ACTL8: variants seen among roughly 807,000 people sequenced by gnomAD.
The protein encoded by ACTL8 is actin like 8.
ACTL8 carries 3 observed loss-of-function variants against 9.3 expected under a neutral mutation model. That is an observed-to-expected ratio of 0.32 (90% CI 0.15 to 0.83). The LOEUF is 0.83. Among genes scored for constraint, ACTL8 ranks in the 40% least tolerant of loss-of-function variants. ACTL8 has a pLI of 0.57. For synonymous variants in ACTL8, 224 were observed against 205.9 expected, an observed-to-expected ratio of 1.09 and a Z score of -0.75; for missense variants, 381 against 492.2, an observed-to-expected ratio of 0.77 and a Z score of 2.14.
intron 1 of ACTL8, among the ~76,000 whole-genome samples, chr1:17,812,302 C>T (rs554068011): frequency 8.5e-5 from 13 of 152,180 alleles, no homozygotes; most frequent in South Asian, 2.1e-4. Context: ...TGATATCTAA[C>T]GGTAATCCTG....
chr1:17,806,249 T>A (rs139135291), intron 1 of ACTL8, among the ~76,000 whole-genome samples: 3 of 152,308 alleles, frequency 2.0e-5, no homozygotes, highest in Non-Finnish European at 2.9e-5. Context: ...GGTTTCTGAA[T>A]GCCAAGAGAC....
At chr1:17,822,130 T>A (rs2124194018) in intron 1 of ACTL8, among the ~76,000 whole-genome samples, 1 of 152,306 alleles carries the variant, frequency 6.6e-6, no homozygotes, top group South Asian at 2.1e-4. Flanking sequence ...TTAGCTCATG[T>A]TTAACACCTA....
rs555678854 is a variant in ACTL8, at chr1:17,776,542, C to T, written c.-25+21038C>T. 2.6e-4 allele frequency among the ~76,000 whole-genome samples: 40 copies of T among 152,170 alleles called. 3 individuals are homozygous for T. In the South Asian group the frequency reaches 7.3e-3, roughly 28 times the overall value. ...CTTGGACGGCTGCTTCCTTGCAGAC[C>T]CCCTCTCTGTGAAGCTGAGTCTGCT... On this transcript the variant is annotated intron_variant, in intron 1 of 2. Transcript: ENST00000375406.
chr1:17,779,119 A>G (rs554167509), intron 1 of ACTL8, among the ~76,000 whole-genome samples: 1 of 152,004 alleles, frequency 6.6e-6, no homozygotes, highest in African/African-American at 2.4e-5. Flanking sequence ...GAGATTCCAG[A>G]TGTGCTAAAC....
intron 1 of ACTL8, among the ~76,000 whole-genome samples, 179 bp downstream of exon 1, chr1:17,755,683 C>T (rs1361264700): frequency 6.6e-6 from 1 of 152,038 alleles, no homozygotes; most frequent in Non-Finnish European, 1.5e-5. Flanking sequence ...CAGGCTCTAC[C>T]TCAGACCAAG....
At chr1:17,774,671 A>G (rs1480534175) in intron 1 of ACTL8, among the ~76,000 whole-genome samples, 2 of 152,250 alleles carry the variant, frequency 1.3e-5, no homozygotes, top group African/African-American at 4.8e-5. Flanking sequence ...GAAGGGAGCC[A>G]GGGAGGCTGG....
intron 1 of ACTL8, among the ~76,000 whole-genome samples, chr1:17,776,533 C>T (rs1326753054): frequency 6.6e-6 from 1 of 152,114 alleles, no homozygotes; most frequent in African/African-American, 2.4e-5. Flanking sequence ...CGGCTGCTTC[C>T]TTGCAGACCC....
At chr1:17,761,822 C>T (rs937454319) in intron 1 of ACTL8, among the ~76,000 whole-genome samples, 3 of 152,202 alleles carry the variant, frequency 2.0e-5, no homozygotes, top group South Asian at 4.1e-4. Flanking sequence ...CCGCCCTCCT[C>T]GGCCTCTCAA....
intron 1 of ACTL8, among the ~76,000 whole-genome samples, chr1:17,797,029 C>G (rs984990858): frequency 6.6e-6 from 1 of 152,156 alleles, no homozygotes; most frequent in African/African-American, 2.4e-5. Flanking sequence ...GGTATCCACA[C>G]TCCTAGCATG....
At chr1:17,803,153 T>C (rs1178569412) in intron 1 of ACTL8, among the ~76,000 whole-genome samples, 1 of 152,048 alleles carries the variant, frequency 6.6e-6, no homozygotes, top group Non-Finnish European at 1.5e-5. Context: ...ATTCTCGTAA[T>C]AGTGAGTGAG....
chr1:17,786,479 G>T (rs963800300), intron 1 of ACTL8, among the ~76,000 whole-genome samples: 1 of 152,194 alleles, frequency 6.6e-6, no homozygotes, highest in Non-Finnish European at 1.5e-5. Flanking sequence ...TCTAGGCTGT[G>T]TTCTGGAGAG....
intron 1 of ACTL8, among the ~76,000 whole-genome samples, chr1:17,761,869 C>T (rs1019065803): frequency 2.0e-5 from 3 of 152,176 alleles, no homozygotes; most frequent in Non-Finnish European, 2.9e-5. Flanking sequence ...CCGCGCCCGG[C>T]CCTGTTCTTA....
intron 1 of ACTL8, among the ~76,000 whole-genome samples, chr1:17,801,847 A>G (rs2066324905): frequency 6.6e-6 from 1 of 152,240 alleles, no homozygotes; most frequent in Admixed American, 6.5e-5. Context: ...TTGAAAATAC[A>G]ATGTTAGCAT....
chr1:17,819,601 C>A (rs910454694), intron 1 of ACTL8, among the ~76,000 whole-genome samples: 1 of 152,218 alleles, frequency 6.6e-6, no homozygotes, highest in Non-Finnish European at 1.5e-5. Flanking sequence ...TTTCCGGAGG[C>A]CTCTCTTACA....
At chr1:17,805,449 G>A (rs1010453505) in intron 1 of ACTL8, among the ~76,000 whole-genome samples, 2 of 140,786 alleles carry the variant, frequency 1.4e-5, no homozygotes, top group African/African-American at 2.7e-5. Flanking sequence ...GCAGTGGCGC[G>A]GTCTTGGGTC....
chr1:17,802,424 C>T lies in ACTL8; in HGVS notation c.-24-20561C>T, dbSNP rs78083502. 4.6e-3 allele frequency among the ~76,000 whole-genome samples: 681 copies of T among 146,686 alleles called. 8 individuals carry two copies. Among genetic ancestry groups the T allele is most frequent in the African/African-American group, 0.016 (646 of 39,852 alleles). ...AGCAGATCCCGGATGACTGTGCGTG[C>T]GTGTGTGTGTGTGTGTGTGTGTGTG... On this transcript the variant is annotated intron_variant, in intron 1 of 2. Transcript: ENST00000375406.
chr1:17,760,732 G>T (rs2065995334), intron 1 of ACTL8, among the ~76,000 whole-genome samples: 1 of 152,180 alleles, frequency 6.6e-6, no homozygotes, highest in African/African-American at 2.4e-5. Context: ...AGAGGAGTGG[G>T]TGGACAAGGT....
At chr1:17,771,483 T>G (rs1262066219) in intron 1 of ACTL8, among the ~76,000 whole-genome samples, 2 of 152,198 alleles carry the variant, frequency 1.3e-5, no homozygotes, top group Non-Finnish European at 2.9e-5. Context: ...TTATTCTTTT[T>G]ATCTCAGGAG....
At chr1:17,791,098 AG>A (rs955931569) in intron 1 of ACTL8, among the ~76,000 whole-genome samples, 1 of 152,024 alleles carries the variant, frequency 6.6e-6, no homozygotes, top group African/African-American at 2.4e-5. Context: ...TGTGCCTGGC[AG>A]GGGGTGGGGC....
Sources: allele counts gnomAD v4.1 joint callset (sites outside exome capture counted in the v4.1 genomes callset), GRCh38; gene constraint gnomAD v4.1.1; transcripts MANE v1.5; gene names NCBI Gene and HGNC (gene_info 2026-07-23, HGNC 2026-07-21).